ZFYVE9: variants seen among roughly 807,000 people sequenced by gnomAD.
ZFYVE9 encodes the protein zinc finger FYVE domain-containing protein 9.
Under a neutral mutation model 126.7 loss-of-function variants are expected in ZFYVE9, and 43 were observed. The observed-to-expected ratio is 0.34, with a 90% confidence interval of 0.27 to 0.44. ZFYVE9 has a LOEUF of 0.44. Ranked by LOEUF, ZFYVE9 falls within the 20% of genes least tolerant of loss-of-function variation. ZFYVE9 has a pLI of 1.00. For synonymous variants in ZFYVE9, 521 were observed against 597.4 expected (o/e 0.87, Z 1.87); for missense variants, 1,476 against 1,697.0 (o/e 0.87, Z 2.29).
intron 4 of ZFYVE9, among the ~76,000 whole-genome samples, chr1:52,243,726 T>TTACA (rs1203639223): frequency 6.6e-6 from 1 of 151,038 alleles, no homozygotes; most frequent in Non-Finnish European, 1.5e-5. Context: ...GCCACTGTAC[T>TTACA]CCAGCCAGAG....
At chr1:52,227,277 T>G (rs1645179199) in intron 2 of ZFYVE9, among the ~76,000 whole-genome samples, 1 of 152,262 alleles carries the variant, frequency 6.6e-6, no homozygotes, top group Non-Finnish European at 1.5e-5. Context: ...AAGCTATTTC[T>G]CCTCCTTTAG....
intron 1 of ZFYVE9, among the ~76,000 whole-genome samples, chr1:52,199,621 T>G (rs1222290710): frequency 6.6e-6 from 1 of 152,264 alleles, no homozygotes; most frequent in Non-Finnish European, 1.5e-5. Flanking sequence ...TTGGCAATTA[T>G]GAATAAAGCT....
chr1:52,311,962 T>C (rs1160642027), intron 13 of ZFYVE9, among the ~76,000 whole-genome samples: 1 of 152,000 alleles, frequency 6.6e-6, no homozygotes, highest in African/African-American at 2.4e-5. Context: ...AGCTAATTTT[T>C]GTATTTTTAG....
intron 4 of ZFYVE9, chr1:52,252,356 TTTG>T: frequency 7.3e-6 from 1 of 137,902 alleles, no homozygotes; most frequent in African/African-American, 2.8e-5. Flanking sequence ...TTTGTTTTGT[TTTG>T]TTTTGTTTTG....
intron 1 of ZFYVE9, among the ~76,000 whole-genome samples, chr1:52,181,721 G>A (rs1339099772): frequency 6.7e-6 from 1 of 149,984 alleles, no homozygotes; most frequent in East Asian, 2.0e-4. Context: ...TGTGGGGAGC[G>A]CCTCTGCCCC....
At chr1:52,206,577 G>A (rs186314620) in intron 1 of ZFYVE9, among the ~76,000 whole-genome samples, 49 of 152,156 alleles carry the variant, frequency 3.2e-4, no homozygotes, top group South Asian at 2.9e-3. Flanking sequence ...AGACAGTCTC[G>A]TGGTGTCACC....
intron 13 of ZFYVE9, among the ~76,000 whole-genome samples, chr1:52,329,721 C>T (rs930322383): frequency 5.3e-5 from 8 of 151,480 alleles, no homozygotes; most frequent in Non-Finnish European, 5.9e-5. Flanking sequence ...ATGGTTAATA[C>T]GGTGAAATCC....
At chr1:52,228,470 G>A (rs929941779) in intron 2 of ZFYVE9, among the ~76,000 whole-genome samples, 2 of 152,100 alleles carry the variant, frequency 1.3e-5, no homozygotes, top group African/African-American at 4.8e-5. Flanking sequence ...GCAGAAAAAT[G>A]GAAAGACTAG....
chr1:52,175,795 A>G (rs931654722), intron 1 of ZFYVE9, among the ~76,000 whole-genome samples: 5 of 152,276 alleles, frequency 3.3e-5, no homozygotes, highest in Admixed American at 2.6e-4. Flanking sequence ...AGTTGATCGC[A>G]TCGGCTCCTG....
rs1286359778 is a variant in ZFYVE9 at position 52,254,205 on chromosome 1, T to C, written c.2179-9568T>C. 6.0e-6 allele frequency: 3 copies of C among 498,148 alleles called. No homozygotes were observed. In the Admixed American group the frequency reaches 9.0e-5, roughly 15 times the overall value. The allele number at this position is 498,148 out of a possible 1,614,324, so 30.9% of individuals were successfully genotyped here. A position where few individuals can be genotyped will look rare whatever the true frequency, so the allele number is the denominator to read the frequency against. ...TGACTTTAAAATGATATGGAAGTCA[T>C]TAAACGTATCTTTGTTTTATCCTGT... On this transcript the variant is annotated intron_variant, in intron 4 of 18. Transcript: ENST00000287727.
At chr1:52,239,757 T>G (rs1378095816) in intron 4 of ZFYVE9, among the ~76,000 whole-genome samples, 162 bp downstream of exon 4, 2 of 152,254 alleles carry the variant, frequency 1.3e-5, no homozygotes, top group African/African-American at 2.4e-5. Flanking sequence ...AAAAATGATG[T>G]CACTGATTCT....
At chr1:52,162,985 C>G in intron 1 of ZFYVE9, 1 of 394,688 alleles carries the variant, frequency 2.5e-6, no homozygotes, top group Non-Finnish European at 4.7e-6. Flanking sequence ...AGAGTGAAGA[C>G]TCATTTACTT....
intron 15 of ZFYVE9, among the ~76,000 whole-genome samples, chr1:52,337,065 C>G (rs1216523617): frequency 6.6e-6 from 1 of 151,710 alleles, no homozygotes; most frequent in Non-Finnish European, 1.5e-5. Flanking sequence ...TTGGGTCTTG[C>G]ATTTCACTTG....
chr1:52,146,027 C>CAACACA (rs150268323), intron 1 of ZFYVE9, among the ~76,000 whole-genome samples: 2 of 146,182 alleles, frequency 1.4e-5, no homozygotes, highest in African/African-American at 2.5e-5. Context: ...TCAAAAATAT[C>CAACACA]CACACACACA....
At chr1:52,294,129 G>A (rs1429751860) in intron 11 of ZFYVE9, among the ~76,000 whole-genome samples, 1 of 152,208 alleles carries the variant, frequency 6.6e-6, no homozygotes, top group South Asian at 2.1e-4. Flanking sequence ...GGCTTTAGCA[G>A]CGTAACTAAG....
At chr1:52,282,121 G>A (rs1645811034) in intron 10 of ZFYVE9, among the ~76,000 whole-genome samples, 1 of 152,134 alleles carries the variant, frequency 6.6e-6, no homozygotes, top group African/African-American at 2.4e-5. Flanking sequence ...AAGCATATTT[G>A]TAACTTACTT....
chr1:52,269,848 C>T (rs565389066), intron 7 of ZFYVE9, among the ~76,000 whole-genome samples: 8 of 151,832 alleles, frequency 5.3e-5, no homozygotes, highest in South Asian at 4.2e-4. Context: ...AGTATAGTGC[C>T]GCAGACATGG....
intron 4 of ZFYVE9, among the ~76,000 whole-genome samples, chr1:52,241,914 A>G: frequency 6.6e-6 from 1 of 152,110 alleles, no homozygotes; most frequent in African/African-American, 2.4e-5. Flanking sequence ...CTTAATATTT[A>G]TAGCTATATT....
chr1:52,279,818 A>G (rs1487724603), intron 9 of ZFYVE9, among the ~76,000 whole-genome samples: 2 of 152,150 alleles, frequency 1.3e-5, no homozygotes, highest in East Asian at 3.9e-4. Flanking sequence ...ATGAGTGTTA[A>G]TAGGCAATTT....
Sources: gnomAD v4.1 joint callset for allele counts (sites outside exome capture counted in the v4.1 genomes callset) on GRCh38, gnomAD v4.1.1 for gene constraint, MANE v1.5 for transcripts, NCBI Gene and HGNC (gene_info 2026-07-23, HGNC 2026-07-21) for gene names.